CALN1: variants seen among roughly 807,000 people sequenced by gnomAD.
CALN1 encodes calcium-binding protein 8.
Under a neutral mutation model 30.6 loss-of-function variants are expected in CALN1, and 17 were observed. That is an observed-to-expected ratio of 0.56 (90% CI 0.38 to 0.83). The LOEUF (loss-of-function observed/expected upper bound fraction) is 0.83, where lower values mean the gene tolerates loss of function less well. CALN1 is among the 40% of genes least tolerant of loss of function. The pLI is 0.00. For missense variants in CALN1, 291 were observed against 354.9 expected (o/e 0.82, Z 1.45); for synonymous variants, 156 against 131.4 (o/e 1.19, Z -1.28).
At chr7:72,487,964 AAGG>A in the CALN1 span, among the ~76,000 whole-genome samples, 39 of 128,150 alleles carry the variant, frequency 3.0e-4, no homozygotes, top group Middle Eastern at 3.9e-3. Context: ...GAAAGGAAGG[AAGG>A]AAGGAAGGAA....
At chr7:72,136,502 A>G (rs908157843) in intron 3 of CALN1, among the ~76,000 whole-genome samples, 10 of 152,232 alleles carry the variant, frequency 6.6e-5, no homozygotes, top group South Asian at 2.1e-4. Context: ...AACTTTCTCC[A>G]TATCAGCAAT....
chr7:72,218,610 G>A (rs942912962), intron 3 of CALN1, among the ~76,000 whole-genome samples: 1 of 152,162 alleles, frequency 6.6e-6, no homozygotes, highest in Admixed American at 6.6e-5. Flanking sequence ...CGCCATGCTT[G>A]AAGAAGTTTC....
At chr7:71,890,197 T>TG (rs1377535085) in intron 5 of CALN1, among the ~76,000 whole-genome samples, 1 of 152,146 alleles carries the variant, frequency 6.6e-6, no homozygotes, top group Non-Finnish European at 1.5e-5. Flanking sequence ...CTCAAACTCC[T>TG]GGGCTCAGGC....
intron 6 of CALN1, among the ~76,000 whole-genome samples, chr7:71,797,163 C>T (rs751632969): frequency 2.3e-4 from 35 of 152,152 alleles, no homozygotes; most frequent in Admixed American, 2.0e-3. Context: ...TCAGAGACAC[C>T]GGCTTCCAAA....
At chr7:71,861,568 G>A (rs115843497) in intron 5 of CALN1, among the ~76,000 whole-genome samples, 5,577 of 151,656 alleles carry the variant, frequency 0.037, 352 homozygotes, top group African/African-American at 0.13. Context: ...TTGAGACCAG[G>A]AATTCAAGAC....
intron 5 of CALN1, among the ~76,000 whole-genome samples, chr7:71,906,609 T>C (rs915540857): frequency 1.3e-4 from 20 of 152,140 alleles, no homozygotes; most frequent in Admixed American, 1.1e-3. Context: ...TTGTTACTGA[T>C]GGTGACAAGC....
chr7:71,800,391 T>G (rs2116050521), intron 6 of CALN1, among the ~76,000 whole-genome samples: 1 of 152,272 alleles, frequency 6.6e-6, no homozygotes, highest in East Asian at 1.9e-4. Flanking sequence ...ACTTGTTTCT[T>G]TTGTCCCTCA....
At chr7:72,411,072 A>C (rs1452920264) in intron 1 of CALN1, among the ~76,000 whole-genome samples, 2 of 152,232 alleles carry the variant, frequency 1.3e-5, no homozygotes, top group African/African-American at 2.4e-5. Context: ...AACATACAGA[A>C]TTTAACAGGA....
chr7:72,234,264 A>C (rs1395879054), intron 3 of CALN1, among the ~76,000 whole-genome samples: 1 of 152,072 alleles, frequency 6.6e-6, no homozygotes, highest in Non-Finnish European at 1.5e-5. Flanking sequence ...ACAAGAGAAG[A>C]CAAGAAACTT....
intron 5 of CALN1, among the ~76,000 whole-genome samples, chr7:71,973,863 G>A (rs547611633): frequency 1.1e-4 from 16 of 152,200 alleles, no homozygotes; most frequent in African/African-American, 3.6e-4. Context: ...GGTATAAAAG[G>A]ATGCTCTAAT....
intron 4 of CALN1, among the ~76,000 whole-genome samples, chr7:72,061,666 T>G (rs1435045987): frequency 1.3e-5 from 2 of 151,826 alleles, no homozygotes; most frequent in African/African-American, 4.8e-5. Flanking sequence ...ATGTTCCTAC[T>G]ATCAGAGGCA....
Position 72,210,016 on chromosome 7 carries a change from C to A in CALN1, c.244+68670G>T, listed in dbSNP as rs140063750. Among the ~76,000 whole-genome samples the A allele has an allele frequency of 2.9e-3, 441 of 152,304 alleles. 1 individual carries two copies. Among genetic ancestry groups the A allele is most frequent in the African/African-American group, 0.01 (428 of 41,570 alleles). On this transcript the variant is annotated intron_variant, in intron 3 of 6. Coordinates refer to ENST00000395275, the MANE Select transcript of CALN1 (RefSeq NM_031468.4). The stretch of plus-strand genomic sequence containing the variant: ...GGTGTTCCAGCAGCATCCCCCGAAG[C>A]CCTCGTTTCTGACGGTGGTCTCCCT...
intron 2 of CALN1, chr7:72,337,151 C>T: frequency 1.0e-6 from 1 of 985,398 alleles, no homozygotes; most frequent in Non-Finnish European, 1.2e-6. Flanking sequence ...GAGTTGCGCG[C>T]CCTAGAAACT....
intron 5 of CALN1, among the ~76,000 whole-genome samples, chr7:71,956,216 G>A (rs1023908483): frequency 6.6e-6 from 1 of 152,124 alleles, no homozygotes; most frequent in East Asian, 1.9e-4. Context: ...TCGAACTCCT[G>A]ACCTCAAGCG....
At chr7:72,374,257 A>AGT (rs1235930372) in intron 2 of CALN1, among the ~76,000 whole-genome samples, 2 of 152,230 alleles carry the variant, frequency 1.3e-5, no homozygotes, top group East Asian at 3.8e-4. Context: ...GGCTGGGTGC[A>AGT]GTGGCTCACG....
Position 71,801,420 on chromosome 7 carries a change from G to GTATCTATCTATCTATC in CALN1, c.658+8915_658+8916insGATAGATAGATAGATA, listed in dbSNP as rs1469408457. 3.2e-3 allele frequency among the ~76,000 whole-genome samples: 332 copies of GTATCTATCTATCTATC among 102,384 alleles called. 1 individual carries two copies. The highest frequency in any genetic ancestry group is 4.0e-3 in the Non-Finnish European group (196 of 49,102). The allele number at this position is 102,384 out of a possible 152,430, so 67.2% of individuals were successfully genotyped here. On this transcript the variant is annotated intron_variant, in intron 6 of 6. Transcript: ENST00000395275. ...TGTATGTATGTATGTATGTATGTAT[G>GTATCTATCTATCTATC]TATGTATGTATCTATCTATCTATCT...
At chr7:72,382,897 TCCTGCCTCAG>T (rs1804991639) in intron 2 of CALN1, among the ~76,000 whole-genome samples, 1 of 152,182 alleles carries the variant, frequency 6.6e-6, no homozygotes, top group Non-Finnish European at 1.5e-5. Context: ...CAAGCAATTC[TCCTGCCTCAG>T]CCTCCCAAGT....
At chr7:72,146,360 C>A (rs1288325923) in intron 3 of CALN1, among the ~76,000 whole-genome samples, 1 of 152,106 alleles carries the variant, frequency 6.6e-6, no homozygotes, top group Non-Finnish European at 1.5e-5. Context: ...AGTGAACTCC[C>A]ATTCACAATT....
chr7:72,182,685 A>G (rs1004330528), intron 3 of CALN1, among the ~76,000 whole-genome samples: 11 of 151,822 alleles, frequency 7.2e-5, no homozygotes, highest in Middle Eastern at 3.4e-3. Context: ...GTGCCACTGC[A>G]CTCCAGCCTG....
Sources: allele counts gnomAD v4.1 joint callset (sites outside exome capture counted in the v4.1 genomes callset), GRCh38; gene constraint gnomAD v4.1.1; transcripts MANE v1.5; gene names NCBI Gene and HGNC (gene_info 2026-07-23, HGNC 2026-07-21).